DNAAF4: variants seen among roughly 807,000 people sequenced by gnomAD.
DNAAF4 encodes the protein dynein axonemal assembly factor 4.
In DNAAF4, 43 loss-of-function variants were observed where a neutral mutation model predicts 51.8. The ratio of observed to expected loss-of-function variants is 0.83; its 90% CI spans 0.65 to 1.07. The LOEUF (loss-of-function observed/expected upper bound fraction) is 1.07, where lower values mean the gene tolerates loss of function less well. Among genes scored for constraint, DNAAF4 ranks in the 50% least tolerant of loss-of-function variants. The pLI, the probability that DNAAF4 is intolerant of heterozygous loss-of-function variation, is 0.00. For missense variants in DNAAF4, 581 were observed against 493.0 expected, an observed-to-expected ratio of 1.18 and a Z score of -1.69; for synonymous variants, 194 against 165.6, an observed-to-expected ratio of 1.17 and a Z score of -1.32.
intron 4 of DNAAF4, among the ~76,000 whole-genome samples, chr15:55,469,521 C>T (rs561537056): frequency 2.5e-4 from 26 of 104,922 alleles, no homozygotes; most frequent in East Asian, 6.7e-4. Flanking sequence ...CTCACTCTGT[C>T]GCCCAGGCTG....
chr15:55,441,449 A>G (rs141668848), intron 6 of DNAAF4, among the ~76,000 whole-genome samples: 1,740 of 152,172 alleles, frequency 0.011, 30 homozygotes, highest in African/African-American at 0.04. Context: ...GTTCTAGGGT[A>G]CATGTGCAAA....
chr15:55,489,823 T>G (rs1229702215), intron 4 of DNAAF4, among the ~76,000 whole-genome samples: 1 of 151,688 alleles, frequency 6.6e-6, no homozygotes, highest in Non-Finnish European at 1.5e-5. Flanking sequence ...TAATGCGTAT[T>G]ATAGATTCCT....
intron 5 of DNAAF4, among the ~76,000 whole-genome samples, chr15:55,456,555 G>A (rs186333002): frequency 6.6e-6 from 1 of 152,246 alleles, no homozygotes; most frequent in Admixed American, 6.5e-5. Context: ...GACTCACAAT[G>A]CGAACTTTTA....
In DNAAF4 at chr15:55,430,362, G is replaced by C. The variant is rs145056228; in HGVS notation, c.*308C>G. 4.1e-6 allele frequency: 4 copies of C among 984,202 alleles called. No homozygotes were observed. The highest frequency in any genetic ancestry group is 4.8e-6 in the Non-Finnish European group (4 of 827,596). 61.0% of individuals were successfully genotyped at this position (984,202 alleles called of 1,614,324 possible). A position where few individuals can be genotyped will look rare whatever the true frequency, so the allele number is the denominator to read the frequency against. ...TACCTTGTTAAAAATTAATCAGTAA[G>C]TGTCCTGGTAACTATACCAAAACAT... On this transcript the variant is annotated 3_prime_UTR_variant, in exon 10 of 10. Coordinates refer to ENST00000321149, the MANE Select transcript of DNAAF4 (RefSeq NM_130810.4).
intron 4 of DNAAF4, among the ~76,000 whole-genome samples, chr15:55,479,056 G>C (rs922570884): frequency 7.9e-5 from 12 of 151,666 alleles, no homozygotes; most frequent in African/African-American, 2.9e-4. Flanking sequence ...TGCAGTCTAA[G>C]TACTGTCAGG....
At chr15:55,506,460 C>A (rs892723405) in intron 1 of DNAAF4, among the ~76,000 whole-genome samples, 1 of 152,128 alleles carries the variant, frequency 6.6e-6, no homozygotes, top group African/African-American at 2.4e-5. Context: ...CTGCTCTGTG[C>A]ATTTTAAGAT....
At chr15:55,487,913 G>A (rs1395785243) in intron 4 of DNAAF4, among the ~76,000 whole-genome samples, 1 of 151,944 alleles carries the variant, frequency 6.6e-6, no homozygotes, top group Non-Finnish European at 1.5e-5. Flanking sequence ...CTTTAAATCT[G>A]GACTTGGCTA....
intron 6 of DNAAF4, among the ~76,000 whole-genome samples, chr15:55,447,877 G>GGAGAAGGGAGAGGT (rs2057863202): frequency 1.0e-5 from 1 of 95,604 alleles, no homozygotes; most frequent in African/African-American, 3.7e-5. Context: ...AGGGGAGAGG[G>GGAGAAGGGAGAGGT]GAGAGGGGAG....
chr15:55,487,055 T>C (rs983491056), intron 4 of DNAAF4, among the ~76,000 whole-genome samples: 7 of 152,096 alleles, frequency 4.6e-5, no homozygotes, highest in African/African-American at 7.2e-5. Flanking sequence ...CTTAAGAGAG[T>C]TCTCTATAAC....
At position 55,465,306 on chromosome 15, in the gene DNAAF4, T is replaced by C. The variant is rs1474047057; in HGVS notation, c.637+1624A>G. On this transcript the variant is annotated intron_variant, in intron 5 of 9. Coordinates refer to ENST00000321149, the MANE Select transcript of DNAAF4 (RefSeq NM_130810.4). ...TTAGACACTTGCACACTCATGTTTA[T>C]AGCAGCACAATTGCAATTGCAAAAA... is the stretch of plus-strand genomic sequence containing the variant. Among the ~76,000 whole-genome samples, 5 of 152,198 alleles carry C rather than the reference T, an allele frequency of 3.3e-5. No homozygotes were observed. The South Asian group carries it at 8.3e-4, about 25-fold the overall frequency.
At chr15:55,446,303 G>T (rs867111577) in intron 6 of DNAAF4, among the ~76,000 whole-genome samples, 7 of 109,096 alleles carry the variant, frequency 6.4e-5, no homozygotes, top group East Asian at 3.3e-4. Context: ...AGACGGGGGG[G>T]GGGGGCAGCT....
At chr15:55,468,849 TTATAATAAGCTATA>T (rs1408412350) in intron 4 of DNAAF4, among the ~76,000 whole-genome samples, 3 of 152,120 alleles carry the variant, frequency 2.0e-5, no homozygotes, top group Admixed American at 6.6e-5. Flanking sequence ...TAATGATAAT[TTATAATAAGCTATA>T]TTAGAGACAG....
At chr15:55,454,867 G>A (rs184679076) in intron 5 of DNAAF4, among the ~76,000 whole-genome samples, 88 of 151,874 alleles carry the variant, frequency 5.8e-4, no homozygotes, top group Admixed American at 3.1e-3. Context: ...AGAAACAAAG[G>A]ATAGATTACT....
At chr15:55,438,501 G>A (rs1306358441) in intron 7 of DNAAF4, among the ~76,000 whole-genome samples, 1 of 151,884 alleles carries the variant, frequency 6.6e-6, no homozygotes, top group Non-Finnish European at 1.5e-5. Context: ...ATTTGAATAG[G>A]TCCCACACCA....
chr15:55,441,623 C>G (rs934377905), intron 6 of DNAAF4, among the ~76,000 whole-genome samples: 6 of 150,246 alleles, frequency 4.0e-5, no homozygotes, highest in Admixed American at 2.7e-4. Flanking sequence ...TCCAAGTGTT[C>G]TCATTGTTCA....
At chr15:55,436,494 A>G (rs555697240) in intron 7 of DNAAF4, among the ~76,000 whole-genome samples, 2 of 151,454 alleles carry the variant, frequency 1.3e-5, no homozygotes, top group African/African-American at 4.8e-5. Context: ...AGTGATTCTC[A>G]TGCCTCTGAG....
chr15:55,481,653 C>G (rs2058412249), intron 4 of DNAAF4, among the ~76,000 whole-genome samples: 1 of 152,106 alleles, frequency 6.6e-6, no homozygotes, highest in African/African-American at 2.4e-5. Context: ...CCGCACGAAG[C>G]AATTACAGAA....
intron 3 of DNAAF4, among the ~76,000 whole-genome samples, chr15:55,493,134 C>T (rs990963438): frequency 2.6e-5 from 4 of 152,106 alleles, no homozygotes; most frequent in African/African-American, 9.7e-5. Context: ...GGACACAGTA[C>T]GGTGCCATCT....
chr15:55,458,071 A>G (rs72744192), intron 5 of DNAAF4, among the ~76,000 whole-genome samples: 36,996 of 152,122 alleles, frequency 0.24, 5,682 homozygotes, highest in Non-Finnish European at 0.35. Flanking sequence ...CCACTGAAAC[A>G]GTCTACTCAA....
Sources: allele counts gnomAD v4.1 joint callset (sites outside exome capture counted in the v4.1 genomes callset), GRCh38; gene constraint gnomAD v4.1.1; transcripts MANE v1.5; gene names NCBI Gene and HGNC (gene_info 2026-07-23, HGNC 2026-07-21).